The following ANKAR variants were observed in gnomAD, a reference collection of about 807,000 sequenced individuals.
ANKAR encodes ankyrin and armadillo repeat containing.
A neutral mutation model predicts 146.2 loss-of-function variants in ANKAR; 136 were observed. The ratio of observed to expected loss-of-function variants is 0.93; its 90% CI spans 0.81 to 1.07. The LOEUF (loss-of-function observed/expected upper bound fraction) is 1.07. ANKAR is among the 50% of genes least tolerant of loss of function. The probability of loss-of-function intolerance (pLI) is 0.00; values close to 1 mark genes in which losing one functional copy is unlikely to be tolerated. For missense variants in ANKAR, 1,567 were observed against 1,679.9 expected, an observed-to-expected ratio of 0.93 and a Z score of 1.18; for synonymous variants, 500 against 575.8, an observed-to-expected ratio of 0.87 and a Z score of 1.88.
Position 189,730,615 on chromosome 2 carries a change from C to T in ANKAR, c.3300+14C>T, listed in dbSNP as rs781261342. 14 of 1,392,912 alleles carry T rather than the reference C, an allele frequency of 1.0e-5. No homozygotes were observed. Among genetic ancestry groups the T allele is most frequent in the Non-Finnish European group, 1.4e-5 (14 of 1,021,492 alleles). 86.3% of individuals were successfully genotyped at this position (1,392,912 alleles called of 1,614,324 possible). On this transcript the variant is annotated intron_variant, in intron 16 of 22. Transcript: ENST00000684021. ...CCTAACATTAAGGTATAAAGGTTTA[C>T]ATTGTTTTCTGATATGGTAAAAATT...
At position 189,707,097 on chromosome 2, in the gene ANKAR, T is replaced by C. The variant is rs1255311135; in HGVS notation, c.2070T>C (p.Tyr690=). 1 of 1,589,180 alleles carries C rather than the reference T, an allele frequency of 6.3e-7. No homozygotes were observed. Among genetic ancestry groups the C allele is most frequent in the East Asian group, 2.3e-5 (1 of 44,038 alleles). Residue 690 remains tyrosine (Y), a synonymous_variant, in exon 9 of 23, where the codon TAT becomes TAC. Transcript: ENST00000684021. The stretch of plus-strand genomic sequence containing the variant: ...CCTTTCATACAGAGGTTCTCAAATA[T>C]ATAATAAAATTAAATATTCCTGAAC... ...VLTFHTEVLK[Y]IIKLNIPELP...
intron 12 of ANKAR, among the ~76,000 whole-genome samples, chr2:189,727,340 G>T (rs2041981040): frequency 6.8e-6 from 1 of 147,792 alleles, no homozygotes; most frequent in Non-Finnish European, 1.5e-5. Context: ...AGTTTACTCA[G>T]ATGTACTGAG....
chr2:189,753,965 A>AT (rs2045679089), intron 18 of ANKAR: 2 of 1,613,820 alleles, frequency 1.2e-6, no homozygotes, highest in Non-Finnish European at 1.7e-6. Context: ...ACAAAACAGA[A>AT]TAGCCCGATG....
intron 1 of ANKAR, among the ~76,000 whole-genome samples, chr2:189,675,352 A>C (rs2033381394): frequency 6.6e-6 from 1 of 152,112 alleles, no homozygotes; most frequent in Non-Finnish European, 1.5e-5. Context: ...AGGTTAAGCA[A>C]ATGCTTCTTT....
chr2:189,746,411 A>C lies in ANKAR; in HGVS notation c.4089A>C (p.Lys1363Asn). 6.2e-7 allele frequency: 1 copy of C among 1,606,750 alleles called. No individual in the cohort carries two copies. The highest frequency in any genetic ancestry group is 8.5e-7 in the Non-Finnish European group (1 of 1,178,150). ...AGCACCGAAGAAAATTAAAACCTAA[A>C]ATTCAACCAAAAGATTCTTTGACTT... ...GKEHRRKLKPKIQPKDSLTLL... is the reference protein window; with the variant it reads ...GKEHRRKLKPNIQPKDSLTLL... The change falls in exon 23 of 23, where the codon AAA becomes AAC. Residue 1363 changes from lysine to asparagine, a missense_variant. Physicochemically the swap from Lys to Asn is moderately conservative, Grantham distance 94. Coordinates refer to ENST00000684021, the MANE Select transcript of ANKAR (RefSeq NM_001378068.1).
intron 9 of ANKAR, among the ~76,000 whole-genome samples, chr2:189,710,295 G>T (rs1290573386): frequency 1.9e-4 from 1 of 5,392 alleles, no homozygotes; most frequent in Non-Finnish European, 8.5e-3. Flanking sequence ...TTTATTTAAA[G>T]TATCTTTTTT....
At position 189,689,612 on chromosome 2, in the gene ANKAR, C is replaced by A. The variant is rs150757788; in HGVS notation, c.687C>A (p.Ser229Arg). ...VNEDPTYDPN[S>R]PEETAVFMKY... ...AAGATCCAACATATGATCCCAACAG[C>A]CCTGAAGAAACAGCTGTATTTATGA... Residue 229 changes from serine (S) to arginine (R), a missense_variant, in exon 3 of 23, where the codon AGC becomes AGA. Coordinates refer to ENST00000684021, the MANE Select transcript of ANKAR (RefSeq NM_001378068.1). 1.9e-6 allele frequency: 3 copies of A among 1,613,392 alleles called. No homozygotes were observed. The African/African-American group carries it at 4.0e-5, about 22-fold the overall frequency.
Position 189,718,341 on chromosome 2 carries a change from G to T in ANKAR, c.2225-1231G>T, listed in dbSNP as rs57601483. 0.019 allele frequency among the ~76,000 whole-genome samples: 10 copies of T among 518 alleles called. 1 individual carries two copies. The East Asian group carries it at 0.31, about 16-fold the overall frequency. 0.3% of individuals were successfully genotyped at this position (518 alleles called of 152,430 possible). A position where few individuals can be genotyped will look rare whatever the true frequency, so the allele number is the denominator to read the frequency against. ...ATCTGTCTGTCTATCTGTCTGTCTA[G>T]CTATCTATCTACACACAGACACACA... On this transcript the variant is annotated intron_variant, in intron 10 of 22. Transcript: ENST00000684021.
At position 189,746,475 on chromosome 2, in the gene ANKAR, G is replaced by A. The variant is rs1432914475; in HGVS notation, c.4153G>A (p.Ala1385Thr). Reference sequence around the variant, plus strand: ...AACTAACTTCATGGGACTCTTCAAAGCAACAAAAAAGACCAAGGATTCCCA... The same window carrying A: ...AACTAACTTCATGGGACTCTTCAAAACAACAAAAAAGACCAAGGATTCCCA... Reference protein sequence around the residue: ...PVTNFMGLFKATKKTKDSHNI... With the variant: ...PVTNFMGLFKTTKKTKDSHNI... The change falls in exon 23 of 23, where the codon GCA becomes ACA. Residue 1385 changes from alanine (A) to threonine (T), a missense_variant. By Grantham distance (58) the Ala-to-Thr change is moderately conservative. Transcript: ENST00000684021. 6.2e-7 allele frequency: 1 copy of A among 1,613,600 alleles called. No homozygotes were observed. Among genetic ancestry groups the A allele is most frequent in the Admixed American group, 1.7e-5 (1 of 60,000 alleles).
Position 189,676,750 on chromosome 2 carries a change from C to T in ANKAR, c.260C>T (p.Thr87Ile). The change falls in exon 2 of 23, where the codon ACT (threonine) becomes ATT (isoleucine). Residue 87 changes from threonine (T) to isoleucine (I), a missense_variant. Thr to Ile is a moderately conservative substitution (Grantham distance 89). Coordinates refer to ENST00000684021, the MANE Select transcript of ANKAR (RefSeq NM_001378068.1). ...NVGFSTAILL[T>I]PVDPTALLDY... ...GGCTTCTCCACTGCAATCCTACTGA[C>T]TCCCGTGGACCCTACTGCCCTCTTA... The T allele has an allele frequency of 1.9e-6, 3 of 1,614,204 alleles. No individual in the cohort carries two copies. The highest frequency in any genetic ancestry group is 2.5e-6 in the Non-Finnish European group (3 of 1,180,044).
At chr2:189,680,921 G>T (rs1205501467) in intron 2 of ANKAR, among the ~76,000 whole-genome samples, 1 of 152,198 alleles carries the variant, frequency 6.6e-6, no homozygotes, top group Non-Finnish European at 1.5e-5. Flanking sequence ...TCAAGGTGAT[G>T]CCAAGAGCTT....
At chr2:189,698,806 A>G (rs1011002670) in intron 7 of ANKAR, among the ~76,000 whole-genome samples, 7 of 152,152 alleles carry the variant, frequency 4.6e-5, no homozygotes, top group African/African-American at 7.2e-5. Context: ...CAGAGGACAC[A>G]GGTTGCTTTT....
rs2037443966 is a variant in ANKAR, at chr2:189,697,821, A to G, written c.1708+1452A>G. 2.6e-5 allele frequency among the ~76,000 whole-genome samples: 4 copies of G among 152,056 alleles called. No individual in the cohort carries two copies. The South Asian group carries it at 6.2e-4, about 24-fold the overall frequency. On this transcript the variant is annotated intron_variant, in intron 7 of 22. Transcript: ENST00000684021. ...TACTTCCAATATTATTGCTTAACCA[A>G]CACAAAATTGTCCCACCTGTGAGTT... is the stretch of plus-strand genomic sequence containing the variant.
rs2038742615 is a variant in ANKAR, at chr2:189,705,130, C to T, written c.1816C>T (p.Pro606Ser). ...YTLSEKRGWM[P>S]IHFAAFYDNV... The stretch of plus-strand genomic sequence containing the variant: ...GCTTTCTGAAAAAAGAGGCTGGATG[C>T]CGATTCACTTTGCCGCTTTCTATGA... The change falls in exon 8 of 23, where the codon CCG becomes TCG. Residue 606 changes from proline to serine, a missense_variant. By Grantham distance (74) the Pro-to-Ser change is moderately conservative (BLOSUM62 -1). Transcript: ENST00000684021. 3.1e-6 allele frequency: 5 copies of T among 1,614,090 alleles called. No individual in the cohort carries two copies. Among genetic ancestry groups the T allele is most frequent in the Non-Finnish European group, 4.2e-6 (5 of 1,180,006 alleles).
intron 17 of ANKAR, among the ~76,000 whole-genome samples, chr2:189,736,538 G>C (rs191731934): frequency 7.4e-6 from 1 of 134,540 alleles, no homozygotes; most frequent in African/African-American, 2.6e-5. Flanking sequence ...GTGTGTGTGT[G>C]TATGTGATTT....
chr2:189,726,825 C>T (rs1223125813), intron 12 of ANKAR, among the ~76,000 whole-genome samples: 1 of 151,764 alleles, frequency 6.6e-6, no homozygotes, highest in Non-Finnish European at 1.5e-5. Flanking sequence ...TAAAAGGCCA[C>T]GATGTATGCA....
rs1288035741 is a variant in ANKAR at position 189,692,316 on chromosome 2, C to A, written c.1101C>A (p.Cys367Ter). The A allele has an allele frequency of 6.2e-7, 1 of 1,613,016 alleles. No homozygotes were observed. Among genetic ancestry groups the A allele is most frequent in the South Asian group, 1.1e-5 (1 of 90,896 alleles). The change falls in exon 4 of 23, where the codon TGC becomes TGA. Residue 367 changes from cysteine to a stop codon, truncating the protein, a stop_gained. Transcript: ENST00000684021. LOFTEE classifies it high-confidence loss of function. Reference protein sequence around the residue: ...PPFIYGRDFKCQNFHYKENQY... With the variant: ...PPFIYGRDFK ...TTATTTATGGAAGAGATTTTAAATG[C>A]CAGAATTTTCACTACAAAGAGAATC... is the stretch of plus-strand genomic sequence containing the variant.
At position 189,693,089 on chromosome 2, in the gene ANKAR, AT is replaced by A; in HGVS notation, c.1220del (p.Ile407AsnfsTer10). The A allele has an allele frequency of 6.6e-7, 1 of 1,523,148 alleles. No individual in the cohort carries two copies. Among genetic ancestry groups the A allele is most frequent in the East Asian group, 2.3e-5 (1 of 43,790 alleles). 94.4% of individuals were successfully genotyped at this position (1,523,148 alleles called of 1,614,324 possible). A position where few individuals can be genotyped will look rare whatever the true frequency, so the allele number is the denominator to read the frequency against. ...LEDFQKNLEK[I>X]RDCAANTFIE... ...CATATTTTAGAAAAATTTAGAAAAA[AT>A]ACGAGATTGTGCTGCTAATACATTT... On this transcript the variant is annotated frameshift_variant, in exon 5 of 23. Coordinates refer to ENST00000684021, the MANE Select transcript of ANKAR (RefSeq NM_001378068.1). LOFTEE classifies it high-confidence loss of function.
At chr2:189,738,978 C>G (rs1005910047) in intron 19 of ANKAR, among the ~76,000 whole-genome samples, 4 of 152,102 alleles carry the variant, frequency 2.6e-5, no homozygotes, top group African/African-American at 9.7e-5. Flanking sequence ...CACCTATGAC[C>G]TACAAACAGC....
Sources: allele counts gnomAD v4.1 joint callset (sites outside exome capture counted in the v4.1 genomes callset), GRCh38; gene constraint gnomAD v4.1.1; transcripts MANE v1.5; gene names NCBI Gene and HGNC (gene_info 2026-07-23, HGNC 2026-07-21).